Variants in WWOX observed in about 807,000 individuals in gnomAD.
WWOX encodes WW domain-containing oxidoreductase.
WWOX carries 69 observed loss-of-function variants against 46.2 expected under a neutral mutation model. That is an observed-to-expected ratio of 1.49 (90% CI 1.23 to 1.82). The LOEUF (loss-of-function observed/expected upper bound fraction) is 1.82. Among genes scored for constraint, WWOX ranks in the 40% most tolerant of loss-of-function variants. The pLI is 0.00. For missense variants in WWOX, 919 were observed against 542.6 expected (o/e 1.69, Z -6.89); for synonymous variants, 359 against 202.6 (o/e 1.77, Z -6.56).
chr16:79,006,866 C>T (rs189565510), intron 8 of WWOX, among the ~76,000 whole-genome samples: 1 of 152,316 alleles, frequency 6.6e-6, no homozygotes, highest in African/African-American at 2.4e-5. Flanking sequence ...CAGATTCCCT[C>T]TTCCGCTTTA....
At chr16:78,891,301 C>T (rs185251466) in intron 8 of WWOX, 1 of 152,150 alleles carries the variant, frequency 6.6e-6, no homozygotes, top group African/African-American at 2.4e-5. Context: ...TCCTGGCTTT[C>T]TCCTAAGTTC....
intron 8 of WWOX, among the ~76,000 whole-genome samples, chr16:78,992,774 C>G (rs1330793989): frequency 6.6e-6 from 1 of 152,094 alleles, no homozygotes; most frequent in Non-Finnish European, 1.5e-5. Flanking sequence ...AGGAAAGTGT[C>G]CTCTGAGCCC....
chr16:78,266,990 T>C (rs548397548), intron 5 of WWOX: 2 of 152,514 alleles, frequency 1.3e-5, no homozygotes, highest in African/African-American at 4.8e-5. Flanking sequence ...ATTCTCATGA[T>C]AGTGAATAAG....
intron 4 of WWOX, among the ~76,000 whole-genome samples, chr16:78,163,270 G>A (rs765241758): frequency 1.3e-4 from 20 of 152,150 alleles, no homozygotes; most frequent in Non-Finnish European, 2.9e-4. Context: ...GGATAGATAG[G>A]GACTGATCAC....
intron 8 of WWOX, among the ~76,000 whole-genome samples, chr16:78,692,151 T>C (rs1247344273): frequency 1.3e-5 from 2 of 152,170 alleles, no homozygotes; most frequent in Non-Finnish European, 2.9e-5. Flanking sequence ...AACGGACTAA[T>C]ACAGTGAGGA....
chr16:79,209,281 T>C (rs144579035), intron 8 of WWOX, among the ~76,000 whole-genome samples: 1 of 152,220 alleles, frequency 6.6e-6, no homozygotes, highest in African/African-American at 2.4e-5. Context: ...GCATTCTGAA[T>C]CAATGGGACT....
At chr16:78,465,382 G>A (rs1459683268) in intron 8 of WWOX, among the ~76,000 whole-genome samples, 3 of 152,164 alleles carry the variant, frequency 2.0e-5, no homozygotes, top group Non-Finnish European at 4.4e-5. Flanking sequence ...GTCTTGTTGT[G>A]TTGCCCAGGC....
intron 8 of WWOX, among the ~76,000 whole-genome samples, chr16:79,080,402 C>G (rs1357941581): frequency 6.6e-6 from 1 of 152,140 alleles, no homozygotes; most frequent in East Asian, 1.9e-4. Flanking sequence ...ACAACCATAC[C>G]TAGAACCAAA....
chr16:78,952,116 C>G (rs1233606239), intron 8 of WWOX, among the ~76,000 whole-genome samples: 1 of 152,040 alleles, frequency 6.6e-6, no homozygotes, highest in Non-Finnish European at 1.5e-5. Flanking sequence ...CCTTCCCTGT[C>G]TCATTTCTCA....
At chr16:78,251,188 C>G (rs184116423) in intron 5 of WWOX, among the ~76,000 whole-genome samples, 167 of 152,294 alleles carry the variant, frequency 1.1e-3, no homozygotes, top group African/African-American at 3.8e-3. Context: ...TGTGGCTGCA[C>G]TAGATGCTGT....
chr16:78,645,153 G>A (rs1235508501), intron 8 of WWOX, among the ~76,000 whole-genome samples: 1 of 152,144 alleles, frequency 6.6e-6, no homozygotes, highest in African/African-American at 2.4e-5. Context: ...AATCTGTCAA[G>A]CTCTTTCCTA....
chr16:78,468,861 T>G (rs909315688), intron 8 of WWOX, among the ~76,000 whole-genome samples: 2 of 152,220 alleles, frequency 1.3e-5, no homozygotes, highest in African/African-American at 4.8e-5. Flanking sequence ...CTGTGGGTCT[T>G]TCTTTGGGGG....
rs28680992 is a variant in WWOX, at chr16:78,497,375, A to G, written c.1056+64623A>G. On this transcript the variant is annotated intron_variant, in intron 8 of 8. Coordinates refer to ENST00000566780, the MANE Select transcript of WWOX (RefSeq NM_016373.4). Reference sequence around the variant, plus strand: ...GACAGTGTAAAATTAGTAGAAGAAAACAAGGAGGAAAGCTCCATGACACTG... The same window carrying G: ...GACAGTGTAAAATTAGTAGAAGAAAGCAAGGAGGAAAGCTCCATGACACTG... Among the ~76,000 whole-genome samples the G allele has an allele frequency of 6.4e-3, 978 of 152,356 alleles. 13 individuals carry two copies. Among genetic ancestry groups the G allele is most frequent in the African/African-American group, 0.023 (937 of 41,588 alleles).
chr16:78,905,738 C>T (rs181300286), intron 8 of WWOX, among the ~76,000 whole-genome samples: 24 of 152,230 alleles, frequency 1.6e-4, no homozygotes, highest in Admixed American at 1.3e-4. Context: ...TGATATGAGC[C>T]GATCAAATGT....
intron 8 of WWOX, chr16:78,825,793 C>A (rs771707731): frequency 1.5e-5 from 9 of 593,496 alleles, no homozygotes; most frequent in Non-Finnish European, 2.5e-5. Context: ...CTGTTGTGTG[C>A]CATGTGCTGC....
chr16:78,555,635 C>T lies in WWOX; in HGVS notation c.1056+122883C>T, dbSNP rs146926062. Among the ~76,000 whole-genome samples, 50 of 147,532 alleles carry T rather than the reference C, an allele frequency of 3.4e-4. No individual in the cohort carries two copies. In the East Asian group the frequency reaches 8.8e-3, roughly 26 times the overall value. On this transcript the variant is annotated intron_variant, in intron 8 of 8. Coordinates refer to ENST00000566780, the MANE Select transcript of WWOX (RefSeq NM_016373.4). ...CATTATTGTTGTTGTTGTTGCTGTA[C>T]GTCTGAAGGGCTTTAGTCCTCTTAT...
intron 8 of WWOX, among the ~76,000 whole-genome samples, chr16:78,673,705 C>G (rs902882594): frequency 1.3e-5 from 2 of 152,342 alleles, no homozygotes; most frequent in African/African-American, 4.8e-5. Context: ...AGTCAAGAGA[C>G]TCATTAGCAT....
chr16:78,515,830 A>G (rs1324552676), intron 8 of WWOX, among the ~76,000 whole-genome samples: 1 of 152,196 alleles, frequency 6.6e-6, no homozygotes, highest in African/African-American at 2.4e-5. Context: ...TCAGTTAAAA[A>G]AAGCAATAAC....
At chr16:79,132,680 A>C (rs1182181581) in intron 8 of WWOX, among the ~76,000 whole-genome samples, 1 of 152,016 alleles carries the variant, frequency 6.6e-6, no homozygotes, top group South Asian at 2.1e-4. Flanking sequence ...TATTACTTAT[A>C]TTGTCGCTTA....
Sources: allele counts gnomAD v4.1 joint callset (sites outside exome capture counted in the v4.1 genomes callset), GRCh38; gene constraint gnomAD v4.1.1; transcripts MANE v1.5; gene names NCBI Gene and HGNC (gene_info 2026-07-23, HGNC 2026-07-21).